The following PTPRD variants were observed in gnomAD, a reference collection of about 807,000 sequenced individuals.
The protein encoded by PTPRD is protein tyrosine phosphatase receptor type D.
A neutral mutation model predicts 214.5 loss-of-function variants in PTPRD; 34 were observed. The ratio of observed to expected loss-of-function variants is 0.16; its 90% confidence interval spans 0.12 to 0.21. The LOEUF (loss-of-function observed/expected upper bound fraction) is 0.21. PTPRD is among the 10% of genes least tolerant of loss of function. The pLI is 1.00. For synonymous variants in PTPRD, 1,128 were observed against 845.7 expected (o/e 1.33, Z -5.79); for missense variants, 2,545 against 2,398.7 (o/e 1.06, Z -1.27).
At chr9:8,905,565 C>T (rs941196863) in intron 11 of PTPRD, among the ~76,000 whole-genome samples, 2 of 151,710 alleles carry the variant, frequency 1.3e-5, no homozygotes, top group South Asian at 2.1e-4. Context: ...GTGGTGAAAC[C>T]CCTTCTCTAC....
intron 14 of PTPRD, among the ~76,000 whole-genome samples, chr9:8,631,049 T>G (rs1210982098): frequency 1.3e-5 from 2 of 151,898 alleles, no homozygotes. Flanking sequence ...ATTAAAATTT[T>G]TAAAGCAGAT....
intron 2 of PTPRD, among the ~76,000 whole-genome samples, chr9:10,478,683 A>C (rs1282009484): frequency 6.6e-6 from 1 of 151,868 alleles, no homozygotes; most frequent in Admixed American, 6.6e-5. Flanking sequence ...TGACTTAATA[A>C]CATATCAAAA....
At chr9:10,419,576 C>T (rs773430860) in intron 2 of PTPRD, among the ~76,000 whole-genome samples, 12 of 151,704 alleles carry the variant, frequency 7.9e-5, no homozygotes, top group Admixed American at 2.0e-4. Context: ...ACATGATATA[C>T]TTTGATTAAG....
At chr9:8,658,671 GAAAA>G (rs35547116) in intron 12 of PTPRD, among the ~76,000 whole-genome samples, 1,547 of 122,154 alleles carry the variant, frequency 0.013, 35 homozygotes, top group African/African-American at 0.043. Context: ...AGCACATTTG[GAAAA>G]AAAAAAAAAA....
At chr9:9,801,126 G>C (rs1167659417) in intron 5 of PTPRD, among the ~76,000 whole-genome samples, 1 of 151,944 alleles carries the variant, frequency 6.6e-6, no homozygotes, top group Non-Finnish European at 1.5e-5. Context: ...GTAAATATTA[G>C]GCACTTCCAT....
intron 3 of PTPRD, among the ~76,000 whole-genome samples, chr9:10,077,830 C>CTT (rs60983926): frequency 3.3e-4 from 49 of 147,072 alleles, no homozygotes; most frequent in African/African-American, 9.2e-4. Flanking sequence ...CATGATCTCT[C>CTT]TTTTTTTTTT....
intron 8 of PTPRD, among the ~76,000 whole-genome samples, chr9:9,485,616 G>C (rs1190857374): frequency 6.6e-6 from 1 of 152,088 alleles, no homozygotes; most frequent in Non-Finnish European, 1.5e-5. Flanking sequence ...GATCAAATAA[G>C]ATCTGCTCAA....
At chr9:9,019,310 A>G (rs1414404595) in intron 10 of PTPRD, among the ~76,000 whole-genome samples, 1 of 103,082 alleles carries the variant, frequency 9.7e-6, no homozygotes, top group East Asian at 3.0e-4. Flanking sequence ...GAAAGAAAGA[A>G]AGAAAGAAAG....
chr9:9,423,641 A>T lies in PTPRD; in HGVS notation c.-236-26159T>A, dbSNP rs149180348. 2.0e-5 allele frequency among the ~76,000 whole-genome samples: 3 copies of T among 152,344 alleles called. No homozygotes were observed. The East Asian group carries it at 5.8e-4, about 29-fold the overall frequency. On this transcript the variant is annotated intron_variant, in intron 8 of 45. Coordinates refer to ENST00000381196, the MANE Select transcript of PTPRD (RefSeq NM_002839.4). ...TGAAAGTAAATGTGTTAAAATAGTC[A>T]GGATGGCAACAGAGATAACTGCATC...
chr9:8,965,210 T>G (rs1588996334), intron 11 of PTPRD, among the ~76,000 whole-genome samples: 1 of 151,974 alleles, frequency 6.6e-6, no homozygotes, highest in Non-Finnish European at 1.5e-5. Flanking sequence ...AAACCCCTTC[T>G]CTACTAAAAG....
intron 12 of PTPRD, among the ~76,000 whole-genome samples, chr9:8,697,528 T>C (rs1243221480): frequency 6.9e-6 from 1 of 145,378 alleles, no homozygotes; most frequent in Non-Finnish European, 1.5e-5. Flanking sequence ...GTTCAAGCAA[T>C]GCTCCTGCCT....
intron 4 of PTPRD, among the ~76,000 whole-genome samples, chr9:10,024,496 T>A (rs1200784682): frequency 6.6e-6 from 1 of 152,154 alleles, no homozygotes; most frequent in Non-Finnish European, 1.5e-5. Flanking sequence ...AAATATGACA[T>A]GCTGTGTTAT....
At chr9:9,653,156 C>A (rs2096410349) in intron 7 of PTPRD, among the ~76,000 whole-genome samples, 1 of 148,408 alleles carries the variant, frequency 6.7e-6, no homozygotes, top group South Asian at 2.1e-4. Context: ...TCCTGGCTAA[C>A]AAGGTGAAAC....
intron 3 of PTPRD, among the ~76,000 whole-genome samples, chr9:10,125,187 G>C (rs569069730): frequency 6.6e-6 from 1 of 152,020 alleles, no homozygotes; most frequent in South Asian, 2.1e-4. Context: ...GGAGCTCTGT[G>C]CAAGACAATA....
intron 2 of PTPRD, among the ~76,000 whole-genome samples, chr9:10,507,030 G>A (rs1010857539): frequency 3.3e-5 from 5 of 151,936 alleles, no homozygotes; most frequent in Non-Finnish European, 7.4e-5. Flanking sequence ...TTTTCAAAGG[G>A]AATGTTTCCT....
At chr9:8,636,670 C>G (rs2154327737) in intron 13 of PTPRD, 29 bp downstream of exon 13, 1 of 1,609,740 alleles carries the variant, frequency 6.2e-7, no homozygotes. Context: ...CATTCTTCCC[C>G]CAGAGAAACA....
intron 8 of PTPRD, among the ~76,000 whole-genome samples, chr9:9,548,289 G>A (rs183432887): frequency 1.5e-4 from 23 of 151,766 alleles, no homozygotes; most frequent in Admixed American, 3.3e-4. Flanking sequence ...ATTCACAATT[G>A]CATTAAAGAA....
chr9:8,336,212 T>A (rs12238805), intron 43 of PTPRD, among the ~76,000 whole-genome samples: 1 of 147,684 alleles, frequency 6.8e-6, no homozygotes, highest in Non-Finnish European at 1.5e-5. Context: ...CAAACAAGGC[T>A]ACAGTAACCA....
intron 4 of PTPRD, among the ~76,000 whole-genome samples, chr9:9,989,562 G>C (rs956052055): frequency 2.0e-5 from 3 of 151,976 alleles, no homozygotes; most frequent in African/African-American, 7.2e-5. Flanking sequence ...TTCTTGCCGA[G>C]AGCCACTTCC....
Sources: allele counts gnomAD v4.1 joint callset (sites outside exome capture counted in the v4.1 genomes callset), GRCh38; gene constraint gnomAD v4.1.1; transcripts MANE v1.5; gene names NCBI Gene and HGNC (gene_info 2026-07-23, HGNC 2026-07-21).